Variants in ERC2 observed in about 807,000 individuals in gnomAD.
The protein encoded by ERC2 is ERC protein 2.
In ERC2, 42 loss-of-function variants were observed where a neutral mutation model predicts 114.8. The observed-to-expected ratio is 0.37, with a 90% CI of 0.29 to 0.47. The LOEUF is 0.47. ERC2 is among the 20% of genes least tolerant of loss of function. The pLI is 0.99. For missense variants in ERC2, 939 were observed against 1,150.7 expected, an observed-to-expected ratio of 0.82 and a Z score of 2.66; for synonymous variants, 454 against 425.5, an observed-to-expected ratio of 1.07 and a Z score of -0.82.
Position 55,715,338 on chromosome 3 carries a change from G to A in ERC2, c.2713-15826C>T, listed in dbSNP as rs76431030. Among the ~76,000 whole-genome samples, 6 of 152,288 alleles carry A rather than the reference G, an allele frequency of 3.9e-5. No individual in the cohort carries two copies. The East Asian group carries it at 1.2e-3, about 29-fold the overall frequency. ...TCACATCATGGGCCTAAGATTGGGA[G>A]TATCTCTTTGCTGGGTCTTTTCAAG... is the stretch of plus-strand genomic sequence containing the variant. On this transcript the variant is annotated intron_variant, in intron 15 of 17. Transcript: ENST00000288221.
chr3:56,317,714 C>T (rs2056933484), intron 2 of ERC2, among the ~76,000 whole-genome samples: 1 of 152,114 alleles, frequency 6.6e-6, no homozygotes, highest in Non-Finnish European at 1.5e-5. Flanking sequence ...TACCTGACCT[C>T]ATAGAAGTTA....
At chr3:55,633,561 T>C (rs1429651972) in intron 17 of ERC2, among the ~76,000 whole-genome samples, 1 of 152,206 alleles carries the variant, frequency 6.6e-6, no homozygotes, top group Non-Finnish European at 1.5e-5. Flanking sequence ...TGGCATATAA[T>C]AGATGTTTAT....
At chr3:55,652,446 A>G (rs2060666590) in intron 17 of ERC2, among the ~76,000 whole-genome samples, 1 of 152,196 alleles carries the variant, frequency 6.6e-6, no homozygotes, top group Non-Finnish European at 1.5e-5. Flanking sequence ...CACACACCTG[A>G]CCAGATGCCT....
At chr3:55,848,186 A>G (rs1308993731) in intron 14 of ERC2, among the ~76,000 whole-genome samples, 1 of 152,226 alleles carries the variant, frequency 6.6e-6, no homozygotes, top group Non-Finnish European at 1.5e-5. Flanking sequence ...CTAGGAGCTC[A>G]TATTTATGCA....
intron 13 of ERC2, among the ~76,000 whole-genome samples, chr3:55,928,164 GT>G (rs1432342923): frequency 2.0e-5 from 3 of 152,106 alleles, no homozygotes; most frequent in South Asian, 2.1e-4. Flanking sequence ...TCCATTTTTA[GT>G]TTTTTAAGGA....
At chr3:55,769,990 A>T (rs1389478902) in intron 14 of ERC2, among the ~76,000 whole-genome samples, 1 of 152,184 alleles carries the variant, frequency 6.6e-6, no homozygotes. Flanking sequence ...TAGGAAAAGT[A>T]CACTTCCTTG....
chr3:56,206,012 T>G (rs2048704061), intron 3 of ERC2, among the ~76,000 whole-genome samples: 1 of 152,178 alleles, frequency 6.6e-6, no homozygotes, highest in African/African-American at 2.4e-5. Context: ...TCCTTTCAAG[T>G]TAACCTGTGA....
At position 56,296,414 on chromosome 3, in the gene ERC2, C is replaced by T. The variant is rs773222954; in HGVS notation, c.679G>A (p.Ala227Thr). 8 of 1,612,932 alleles carry T rather than the reference C, an allele frequency of 5.0e-6. No homozygotes were observed. The highest frequency in any genetic ancestry group is 6.8e-6 in the Non-Finnish European group (8 of 1,179,096). ...ENQHLQLTIQ[A>T]LQDELRTQRD... is the part of the protein sequence containing the mutation. ...TGGGTTCGCAGCTCATCTTGAAGGG[C>T]CTGGATTGTCAACTGTAGGTGCTGC... Residue 227 changes from alanine to threonine, a missense_variant, in exon 3 of 18, where the codon GCC (alanine) becomes ACC (threonine). By Grantham distance (58) the Ala-to-Thr change is moderately conservative. This residue lies in a region of ERC2 where 281 missense variants were observed against 307.4 expected (regional missense o/e 0.91). Transcript: ENST00000288221.
intron 17 of ERC2, among the ~76,000 whole-genome samples, chr3:55,561,382 G>A (rs776483874): frequency 6.6e-6 from 1 of 152,140 alleles, no homozygotes; most frequent in African/African-American, 2.4e-5. Flanking sequence ...GGCTGTGGGT[G>A]CATTTCTGTG....
chr3:56,448,371 A>C (rs2062677054), intron 1 of ERC2, among the ~76,000 whole-genome samples: 1 of 152,214 alleles, frequency 6.6e-6, no homozygotes, highest in African/African-American at 2.4e-5. Context: ...AAACTGGTAA[A>C]CAAAATACAT....
At chr3:55,846,240 A>G (rs1012693763) in intron 14 of ERC2, among the ~76,000 whole-genome samples, 33 of 152,244 alleles carry the variant, frequency 2.2e-4, no homozygotes, top group African/African-American at 7.5e-4. Flanking sequence ...AAATGAGAAC[A>G]TATGGTATTT....
At chr3:56,325,005 C>T (rs911527376) in intron 2 of ERC2, among the ~76,000 whole-genome samples, 1 of 151,972 alleles carries the variant, frequency 6.6e-6, no homozygotes, top group African/African-American at 2.4e-5. Flanking sequence ...ACTCTATCTA[C>T]ATTAAGACCC....
At chr3:56,437,604 C>A (rs2062082545) in intron 1 of ERC2, among the ~76,000 whole-genome samples, 1 of 152,162 alleles carries the variant, frequency 6.6e-6, no homozygotes, top group Admixed American at 6.5e-5. Flanking sequence ...AAATTATACA[C>A]CTGTTTCTAA....
intron 14 of ERC2, among the ~76,000 whole-genome samples, chr3:55,844,217 A>G (rs2061257317): frequency 6.6e-6 from 1 of 152,222 alleles, no homozygotes; most frequent in Non-Finnish European, 1.5e-5. Context: ...GTATATCTGC[A>G]ATAGAAATGT....
intron 2 of ERC2, among the ~76,000 whole-genome samples, chr3:56,303,795 C>T (rs916952107): frequency 2.0e-5 from 3 of 152,102 alleles, no homozygotes; most frequent in African/African-American, 7.2e-5. Flanking sequence ...CCTAAGTGCC[C>T]CCTGGCGCCT....
At chr3:55,562,117 T>A (rs1366346837) in intron 17 of ERC2, among the ~76,000 whole-genome samples, 1 of 152,154 alleles carries the variant, frequency 6.6e-6, no homozygotes, top group Non-Finnish European at 1.5e-5. Flanking sequence ...GTCCTTGGAT[T>A]TTCTAGTTCT....
At chr3:56,044,608 T>C (rs985745515) in intron 7 of ERC2, among the ~76,000 whole-genome samples, 2 of 152,172 alleles carry the variant, frequency 1.3e-5, no homozygotes, top group Admixed American at 1.3e-4. Context: ...CTTAAAGTAC[T>C]CTATCTATGC....
intron 2 of ERC2, among the ~76,000 whole-genome samples, chr3:56,346,753 A>G (rs7653523): frequency 0.31 from 47,174 of 151,920 alleles, 7,425 homozygotes; most frequent in Admixed American, 0.34. Context: ...TAATTTATAA[A>G]GAGAAGAAAT....
At chr3:56,421,219 A>C (rs909491742) in intron 2 of ERC2, among the ~76,000 whole-genome samples, 11 of 152,252 alleles carry the variant, frequency 7.2e-5, no homozygotes, top group African/African-American at 2.7e-4. Flanking sequence ...CTAACTATTC[A>C]GACTATAAAA....
Sources: allele counts gnomAD v4.1 joint callset (sites outside exome capture counted in the v4.1 genomes callset), GRCh38; gene constraint gnomAD v4.1.1; regional missense constraint gnomAD v4.1.1; transcripts MANE v1.5; gene names NCBI Gene and HGNC (gene_info 2026-07-23, HGNC 2026-07-21).